Variants in ITGA2 observed in about 807,000 individuals in gnomAD.
The protein encoded by ITGA2 is integrin subunit alpha 2, also known as integrin alpha-2.
ITGA2 carries 101 observed loss-of-function variants against 146.3 expected under a neutral mutation model. The ratio of observed to expected loss-of-function variants is 0.69; its 90% confidence interval spans 0.59 to 0.81. ITGA2 has a LOEUF of 0.81. Ranked by LOEUF, ITGA2 falls within the 40% of genes least tolerant of loss-of-function variation. The pLI is 0.00. For synonymous variants in ITGA2, 477 were observed against 487.1 expected (o/e 0.98, Z 0.27); for missense variants, 1,281 against 1,402.7 (o/e 0.91, Z 1.39).
chr5:53,066,698 T>G (rs1477637073), intron 15 of ITGA2, among the ~76,000 whole-genome samples: 1 of 151,910 alleles, frequency 6.6e-6, no homozygotes, highest in African/African-American at 2.4e-5. Context: ...CACTTGTGCT[T>G]TTAAAGAATG....
chr5:53,065,030 T>C lies in ITGA2; in HGVS notation c.1721T>C (p.Val574Ala). 6.2e-7 allele frequency: 1 copy of C among 1,612,900 alleles called. No individual in the cohort carries two copies. The highest frequency in any genetic ancestry group is 8.5e-7 in the Non-Finnish European group (1 of 1,179,228). Reference sequence around the variant, plus strand: ...ATGGATGGCTTTAATGATGTGATTGTTGGTTCACCACTAGAAAATCAGAAT... The same window carrying C: ...ATGGATGGCTTTAATGATGTGATTGCTGGTTCACCACTAGAAAATCAGAAT... ...INMDGFNDVI[V>A]GSPLENQNSG... The change falls in exon 14 of 30, where the codon GTT becomes GCT. Residue 574 changes from valine (V) to alanine (A), a missense_variant. By Grantham distance (64) the Val-to-Ala change is moderately conservative. Coordinates refer to ENST00000296585, the MANE Select transcript of ITGA2 (RefSeq NM_002203.4).
intron 2 of ITGA2, 43 bp downstream of exon 2, chr5:53,026,911 A>G: frequency 6.4e-7 from 1 of 1,551,258 alleles, no homozygotes; most frequent in Non-Finnish European, 8.9e-7. Context: ...AAAATACAAA[A>G]TAAATTTCAT....
intron 16 of ITGA2, among the ~76,000 whole-genome samples, chr5:53,068,509 A>G (rs1002160356): frequency 2.0e-5 from 3 of 151,808 alleles, no homozygotes; most frequent in Non-Finnish European, 4.4e-5. Context: ...TCCCTTTTTG[A>G]CTATACTTCA....
At chr5:53,079,355 CTGTT>C (rs1266250691) in intron 24 of ITGA2, among the ~76,000 whole-genome samples, 3 of 152,080 alleles carry the variant, frequency 2.0e-5, no homozygotes, top group African/African-American at 4.8e-5. Context: ...GAGACCACTT[CTGTT>C]TGAGTTTACC....
chr5:53,058,687 A>G (rs552254217), intron 10 of ITGA2, among the ~76,000 whole-genome samples: 3 of 151,844 alleles, frequency 2.0e-5, no homozygotes, highest in Non-Finnish European at 2.9e-5. Context: ...AGGCGAAAAA[A>G]AAAAGAAAGA....
intron 27 of ITGA2, among the ~76,000 whole-genome samples, chr5:53,086,375 G>A (rs80048813): frequency 6.6e-6 from 1 of 152,184 alleles, no homozygotes; most frequent in African/African-American, 2.4e-5. Flanking sequence ...TTATACTGAT[G>A]TGATATAACA....
intron 2 of ITGA2, among the ~76,000 whole-genome samples, chr5:53,034,866 G>A (rs2111853343): frequency 6.6e-6 from 1 of 152,186 alleles, no homozygotes; most frequent in East Asian, 1.9e-4. Flanking sequence ...TGCTTCTCTA[G>A]AAGAGTTCTA....
In ITGA2 at chr5:53,075,089, A is replaced by C. The variant is rs138437143; in HGVS notation, c.2693A>C (p.Asn898Thr). 6.2e-7 allele frequency: 1 copy of C among 1,611,632 alleles called. No homozygotes were observed. The highest frequency in any genetic ancestry group is 8.5e-7 in the Non-Finnish European group (1 of 1,178,758). Residue 898 changes from asparagine (N) to threonine (T), a missense_variant, in exon 22 of 30, where the codon AAT (asparagine) becomes ACT (threonine). Asn to Thr is a moderately conservative substitution (Grantham distance 65). Transcript: ENST00000296585. ...QVTFTINFDF[N>T]LQNLQNQASL... is the part of the protein sequence containing the mutation. ...ACTTTTACTATTAACTTTGACTTCA[A>C]TCTTCAAAACCTTCAGAATCAGGCG... is the stretch of plus-strand genomic sequence containing the variant.
intron 1 of ITGA2, among the ~76,000 whole-genome samples, chr5:53,002,390 C>A (rs1486659230): frequency 6.6e-6 from 1 of 151,860 alleles, no homozygotes; most frequent in Non-Finnish European, 1.5e-5. Flanking sequence ...ATGACACATA[C>A]TAAAATAATT....
rs1230737573 is a variant in ITGA2, at chr5:53,075,263, C to T, written c.2784C>T (p.Leu928=). ...ACAAGGCTGATAATTTGGTCAACCT[C>T]AAAATTCCTCTCCTGTATGATGCTG... ...EENKADNLVN[L]KIPLLYDAEI... The change falls in exon 23 of 30, where the codon CTC becomes CTT. Residue 928 remains leucine (L), a synonymous_variant. Coordinates refer to ENST00000296585, the MANE Select transcript of ITGA2 (RefSeq NM_002203.4). The T allele has an allele frequency of 1.2e-6, 2 of 1,612,628 alleles. No individual in the cohort carries two copies. The highest frequency in any genetic ancestry group is 1.3e-5 in the African/African-American group (1 of 74,804).
chr5:53,030,261 A>G (rs1193602458), intron 2 of ITGA2, among the ~76,000 whole-genome samples: 5 of 152,234 alleles, frequency 3.3e-5, no homozygotes, highest in African/African-American at 9.6e-5. Flanking sequence ...GTGAGATCCT[A>G]GTGCTGGTAA....
intron 1 of ITGA2, among the ~76,000 whole-genome samples, chr5:53,025,619 C>G (rs1288362174): frequency 6.6e-6 from 1 of 152,192 alleles, no homozygotes; most frequent in Non-Finnish European, 1.5e-5. Flanking sequence ...AAGAGCAAGC[C>G]TTTTTCTTCC....
At position 53,025,340 on chromosome 5, in the gene ITGA2, T is replaced by C. The variant is rs572726855; in HGVS notation, c.65-1408T>C. 5.9e-5 allele frequency among the ~76,000 whole-genome samples: 9 copies of C among 152,306 alleles called. No individual in the cohort carries two copies. In the South Asian group the frequency reaches 1.5e-3, roughly 25 times the overall value. On this transcript the variant is annotated intron_variant, in intron 1 of 29. Transcript: ENST00000296585. ...AGCAATGGAGCATATGAAAAATAGATGTTAAGGAGAAAATTTGCAGATGTT... is the reference window on the plus strand; with the variant it reads ...AGCAATGGAGCATATGAAAAATAGACGTTAAGGAGAAAATTTGCAGATGTT...
chr5:53,024,668 T>G (rs1054379206), intron 1 of ITGA2, among the ~76,000 whole-genome samples: 1 of 152,234 alleles, frequency 6.6e-6, no homozygotes, highest in African/African-American at 2.4e-5. Flanking sequence ...AAGTCCTACA[T>G]GCCGTATTAG....
chr5:53,064,647 A>G (rs934419823), intron 13 of ITGA2, among the ~76,000 whole-genome samples: 2 of 151,898 alleles, frequency 1.3e-5, no homozygotes, highest in Admixed American at 1.3e-4. Flanking sequence ...GGCTCAAGCA[A>G]TCCTCCCACT....
intron 23 of ITGA2, among the ~76,000 whole-genome samples, chr5:53,078,409 T>C (rs1167074590): frequency 6.6e-6 from 1 of 152,152 alleles, no homozygotes; most frequent in Admixed American, 6.5e-5. Flanking sequence ...TAACAAGTAC[T>C]GATTGTCTAC....
chr5:53,065,729 AAC>A (rs1745115970), intron 14 of ITGA2, 110 bp from the exon 15 acceptor site: 1 of 1,375,494 alleles, frequency 7.3e-7, no homozygotes, highest in Non-Finnish European at 1.0e-6. Context: ...GTAGAGAATA[AAC>A]ACAATCTGGG....
chr5:53,076,597 T>A (rs1745672842), intron 23 of ITGA2, among the ~76,000 whole-genome samples: 1 of 152,076 alleles, frequency 6.6e-6, no homozygotes, highest in Non-Finnish European at 1.5e-5. Context: ...ATTACCTGAA[T>A]TTTTTCCTTC....
In ITGA2 at chr5:53,001,140, G is replaced by T. The variant is rs528004750; in HGVS notation, c.64+11608G>T. Among the ~76,000 whole-genome samples, 12 of 152,030 alleles carry T rather than the reference G, an allele frequency of 7.9e-5. No homozygotes were observed. The South Asian group carries it at 8.3e-4, about 11-fold the overall frequency. On this transcript the variant is annotated intron_variant, in intron 1 of 29. Transcript: ENST00000296585. ...TGGTCTCGAACTCCTGATCTCAAGT[G>T]GTCCACCCACCTCAGCCTCCCAAAG...
Sources: gnomAD v4.1 joint callset for allele counts (sites outside exome capture counted in the v4.1 genomes callset) on GRCh38, gnomAD v4.1.1 for gene constraint, MANE v1.5 for transcripts, NCBI Gene and HGNC (gene_info 2026-07-23, HGNC 2026-07-21) for gene names.